Variants in LRP5 observed in about 807,000 individuals in gnomAD.
LRP5 encodes LDL receptor related protein 5, also known as low-density lipoprotein receptor-related protein 5.
Under a neutral mutation model 154.1 loss-of-function variants are expected in LRP5, and 62 were observed. The observed-to-expected ratio is 0.40, with a 90% CI of 0.33 to 0.50. The LOEUF (loss-of-function observed/expected upper bound fraction) is 0.50, where lower values mean the gene tolerates loss of function less well. LRP5 is among the 20% of genes least tolerant of loss of function. The pLI is 0.55. For synonymous variants in LRP5, 966 were observed against 1,011.5 expected (o/e 0.96, Z 0.85); for missense variants, 1,915 against 2,336.7 (o/e 0.82, Z 3.72).
At chr11:68,307,872 G>A (rs2098584859), upstream of LRP5, among the ~76,000 whole-genome samples, 1 of 152,152 alleles carries the variant, frequency 6.6e-6, no homozygotes, top group South Asian at 2.1e-4. Context: ...AAGTCTTATT[G>A]GAGGTTCACA....
intron 9 of LRP5, 49 bp from the exon 10 acceptor site, chr11:68,409,865 A>AT: frequency 7.2e-7 from 1 of 1,380,172 alleles, no homozygotes; most frequent in Non-Finnish European, 1.0e-6. Context: ...AAAAAAAAAA[A>AT]GATGCTGGTT....
chr11:68,386,395 C>A lies in LRP5; in HGVS notation c.1095C>A (p.Ile365=), dbSNP rs1355913820. ...ISLDTPDFTD[I]VLQVDDIRHA... ...TGGACACGCCGGACTTCACCGACAT[C>A]GTGCTGCAGGTGGACGACATCCGGC... The change falls in exon 6 of 23, where the codon ATC becomes ATA. Residue 365 remains isoleucine, a synonymous_variant. Transcript: ENST00000294304. This position sits in a 1 kb window ranked among gnomAD's most constrained non-coding sequence, Gnocchi z 7.9. 6.2e-7 allele frequency: 1 copy of A among 1,613,796 alleles called. No homozygotes were observed. Among genetic ancestry groups the A allele is most frequent in the South Asian group, 1.1e-5 (1 of 91,088 alleles).
At position 68,379,735 on chromosome 11, in the gene LRP5, A is replaced by G. The variant is rs569842944; in HGVS notation, c.1016-6581A>G. 3.8e-4 allele frequency among the ~76,000 whole-genome samples: 58 copies of G among 152,312 alleles called. 1 individual carries two copies. Among genetic ancestry groups the G allele is most frequent in the African/African-American group, 1.3e-3 (55 of 41,570 alleles). On this transcript the variant is annotated intron_variant, in intron 5 of 22. Transcript: ENST00000294304. The stretch of plus-strand genomic sequence containing the variant: ...TTAGAGCAGTTTTAAGTTTACAGGA[A>G]AATTAAGGGACAAGTACAGAGAGTT...
chr11:68,404,050 G>A lies in LRP5; in HGVS notation c.1801+351G>A, dbSNP rs78855542. 4.9e-3 allele frequency: 2,174 copies of A among 447,536 alleles called. 54 individuals are homozygous for A. Among genetic ancestry groups the A allele is most frequent in the African/African-American group, 0.039 (1,991 of 50,900 alleles). 27.7% of individuals were successfully genotyped at this position (447,536 alleles called of 1,614,324 possible). ...GCACTGGGGAGCAGGACGCAGAGCC[G>A]TGCAACTCACAGGTGCCAAGCTCAG... is the stretch of plus-strand genomic sequence containing the variant. On this transcript the variant is annotated intron_variant, in intron 8 of 22. Transcript: ENST00000294304.
At chr11:68,405,999 G>A (rs1591287827) in intron 8 of LRP5, among the ~76,000 whole-genome samples, 1 of 152,246 alleles carries the variant, frequency 6.6e-6, no homozygotes, top group Non-Finnish European at 1.5e-5. Flanking sequence ...CACTCTTGCC[G>A]AGCTGCTCCC....
Position 68,333,189 on chromosome 11 carries a change from A to G in LRP5, c.92-14658A>G, listed in dbSNP as rs184631331. 1.3e-3 allele frequency among the ~76,000 whole-genome samples: 198 copies of G among 152,294 alleles called. 1 individual carries two copies. The highest frequency in any genetic ancestry group is 3.4e-3 in the African/African-American group (142 of 41,570). The stretch of plus-strand genomic sequence containing the variant: ...AATACACTGTGAGCTGCGTGCAGGT[A>G]ATTGAAACGTGGATGTGGGGAAGGT... On this transcript the variant is annotated intron_variant, in intron 1 of 22. Transcript: ENST00000294304.
At chr11:68,337,007 CCTTT>C (rs2098606072) in intron 1 of LRP5, among the ~76,000 whole-genome samples, 1 of 152,208 alleles carries the variant, frequency 6.6e-6, no homozygotes, top group Non-Finnish European at 1.5e-5. Flanking sequence ...TGGCATCCTT[CCTTT>C]TTTATATTGT....
chr11:68,388,057 G>A (rs1044890528), intron 6 of LRP5, among the ~76,000 whole-genome samples: 1 of 152,112 alleles, frequency 6.6e-6, no homozygotes, highest in African/African-American at 2.4e-5. Context: ...AGTGCAGCAG[G>A]CAGCGGGAGC....
At chr11:68,403,921 A>G (rs2098654102) in intron 8 of LRP5, 1 of 609,016 alleles carries the variant, frequency 1.6e-6, no homozygotes, top group African/African-American at 1.8e-5. Context: ...CAATGGTTAG[A>G]AAGTGACTAA....
rs1591313202 is a variant in LRP5 at position 68,426,154 on chromosome 11, C to T, written c.3604C>T (p.His1202Tyr). Reference sequence around the variant, plus strand: ...CCGTGTCGCCCACCTCACTGGCATCCATGCAGTGGAGGAAGTCAGCCTGGA... The same window carrying T: ...CCGTGTCGCCCACCTCACTGGCATCTATGCAGTGGAGGAAGTCAGCCTGGA... ...QGRVAHLTGI[H>Y]AVEEVSLEEF... The change falls in exon 16 of 23, where the codon CAT (histidine) becomes TAT (tyrosine). Residue 1202 changes from histidine to tyrosine, a missense_variant. This residue lies in a region of LRP5 where 1,094 missense variants were observed against 1,210.1 expected (regional missense o/e 0.90). Coordinates refer to ENST00000294304, the MANE Select transcript of LRP5 (RefSeq NM_002335.4). 1.9e-6 allele frequency: 3 copies of T among 1,612,666 alleles called. No individual in the cohort carries two copies. Among genetic ancestry groups the T allele is most frequent in the Non-Finnish European group, 2.5e-6 (3 of 1,179,988 alleles).
chr11:68,420,953 G>A (rs35282235), intron 13 of LRP5, among the ~76,000 whole-genome samples: 9 of 152,146 alleles, frequency 5.9e-5, no homozygotes, highest in East Asian at 1.9e-4. Flanking sequence ...GGGGCCGGGC[G>A]CGGTGGCTCA....
intron 5 of LRP5, among the ~76,000 whole-genome samples, chr11:68,372,491 C>T (rs2098634736): frequency 1.3e-5 from 2 of 151,866 alleles, no homozygotes; most frequent in Admixed American, 1.3e-4. Context: ...CAGTGTCAGG[C>T]AGACCGGGGA....
rs200789047 is a variant in LRP5, at chr11:68,386,555, G to A, written c.1255G>A (p.Asp419Asn). 1.3e-5 allele frequency: 21 copies of A among 1,613,942 alleles called. No homozygotes were observed. The highest frequency in any genetic ancestry group is 2.2e-5 in the East Asian group (1 of 44,884). ...GGTCAACACCGAGATCAACGACCCC[G>A]ATGGCATCGCGGTCGACTGGGTGGC... is the stretch of plus-strand genomic sequence containing the variant. ...TLVNTEINDPDGIAVDWVARN... is the reference protein window; with the variant it reads ...TLVNTEINDPNGIAVDWVARN... The change falls in exon 6 of 23, where the codon GAT becomes AAT. Residue 419 changes from aspartate (D) to asparagine (N), a missense_variant. Asp to Asn is a conservative substitution (Grantham distance 23). Coordinates refer to ENST00000294304, the MANE Select transcript of LRP5 (RefSeq NM_002335.4). This position sits in a 1 kb window ranked among gnomAD's most constrained non-coding sequence, Gnocchi z 7.9.
At chr11:68,346,578 G>A (rs1223925115) in intron 1 of LRP5, among the ~76,000 whole-genome samples, 2 of 152,266 alleles carry the variant, frequency 1.3e-5, no homozygotes, top group African/African-American at 4.8e-5. Context: ...CATTGGCTGA[G>A]TTGAGTTTGT....
chr11:68,315,798 C>T (rs555427773), intron 1 of LRP5, among the ~76,000 whole-genome samples: 1 of 152,194 alleles, frequency 6.6e-6, no homozygotes, highest in Non-Finnish European at 1.5e-5. Flanking sequence ...TGCGAGAGGC[C>T]CTTAGAGGCC....
Position 68,423,594 on chromosome 11 carries a change from A to T in LRP5, c.3133A>T (p.Thr1045Ser). ...GACACTGTTCTGGACGTGCGAGGCC[A>T]CCAATACCATCAACGTCCACAGGCT... ...SRTLFWTCEA[T>S]NTINVHRLSG... The change falls in exon 14 of 23, where the codon ACC (threonine) becomes TCC (serine). Residue 1045 changes from threonine to serine, a missense_variant. Around this residue, in one of 3 missense-constraint regions of LRP5, gnomAD observed 1,094 missense variants for 1,210.1 expected, o/e 0.90. Coordinates refer to ENST00000294304, the MANE Select transcript of LRP5 (RefSeq NM_002335.4). The surrounding 1 kb of genome is among the most constrained non-coding windows in gnomAD (Gnocchi z 4.7). 1 of 1,614,220 alleles carries T rather than the reference A, an allele frequency of 6.2e-7. No individual in the cohort carries two copies. Among genetic ancestry groups the T allele is most frequent in the East Asian group, 2.2e-5 (1 of 44,880 alleles).
At chr11:68,417,899 C>T (rs1388487253) in intron 13 of LRP5, among the ~76,000 whole-genome samples, 3 of 151,964 alleles carry the variant, frequency 2.0e-5, no homozygotes, top group African/African-American at 7.2e-5. Context: ...CACACCATTG[C>T]ACTCCAGCCT....
rs1171090375 is a variant in LRP5, at chr11:68,436,915, T to C, written c.4027T>C (p.Cys1343Arg). 2 of 1,613,762 alleles carry C rather than the reference T, an allele frequency of 1.2e-6. No individual in the cohort carries two copies. Among genetic ancestry groups the C allele is most frequent in the East Asian group, 2.2e-5 (1 of 44,878 alleles). The part of the protein sequence containing the change: ...DAICLPNQFR[C>R]ASGQCVLIKQ... Reference sequence around the variant, plus strand: ...CATCTGCCTGCCCAACCAGTTCCGGTGTGCGAGCGGCCAGTGTGTCCTCAT... The same window carrying C: ...CATCTGCCTGCCCAACCAGTTCCGGCGTGCGAGCGGCCAGTGTGTCCTCAT... The change falls in exon 19 of 23, where the codon TGT (cysteine) becomes CGT (arginine). Residue 1343 changes from cysteine (C) to arginine (R), a missense_variant. Around this residue, in one of 3 missense-constraint regions of LRP5, gnomAD observed 1,094 missense variants for 1,210.1 expected, o/e 0.90. Coordinates refer to ENST00000294304, the MANE Select transcript of LRP5 (RefSeq NM_002335.4).
intron 21 of LRP5, among the ~76,000 whole-genome samples, chr11:68,445,231 C>T (rs2098680764): frequency 1.3e-5 from 2 of 152,274 alleles, no homozygotes; most frequent in South Asian, 4.1e-4. Flanking sequence ...TCCCAAGTAG[C>T]TGGGATTACA....
Sources: gnomAD v4.1 joint callset for allele counts (sites outside exome capture counted in the v4.1 genomes callset) on GRCh38, gnomAD v4.1.1 for gene constraint, gnomAD v4.1.1 regional missense constraint, Gnocchi (gnomAD v3.1) non-coding constraint, MANE v1.5 for transcripts, NCBI Gene and HGNC (gene_info 2026-07-23, HGNC 2026-07-21) for gene names.